Variants in MYO16 observed in about 807,000 individuals in gnomAD.
The protein encoded by MYO16 is unconventional myosin-XVI.
MYO16 carries 94 observed loss-of-function variants against 205.3 expected under a neutral mutation model. The observed-to-expected ratio is 0.46, with a 90% CI of 0.39 to 0.54. MYO16 has a LOEUF of 0.54. Ranked by LOEUF, MYO16 falls within the 20% of genes least tolerant of loss-of-function variation. The probability of loss-of-function intolerance (pLI) is 0.00; values close to 1 mark genes in which losing one functional copy is unlikely to be tolerated. For synonymous variants in MYO16, 988 were observed against 954.0 expected, an observed-to-expected ratio of 1.04 and a Z score of -0.66; for missense variants, 2,315 against 2,387.5, an observed-to-expected ratio of 0.97 and a Z score of 0.63.
intron 4 of MYO16, among the ~76,000 whole-genome samples, chr13:108,758,600 C>T (rs887138170): frequency 1.3e-5 from 2 of 152,168 alleles, no homozygotes; most frequent in East Asian, 3.9e-4. Context: ...TCTCCTTTAT[C>T]TTTTGACTCC....
intron 2 of MYO16, among the ~76,000 whole-genome samples, chr13:108,679,732 T>A (rs1882382343): frequency 6.7e-6 from 1 of 149,494 alleles, no homozygotes; most frequent in African/African-American, 2.4e-5. Flanking sequence ...ATAATAATAA[T>A]AATAATAATA....
At chr13:109,088,233 A>G (rs1008085221) in intron 27 of MYO16, among the ~76,000 whole-genome samples, 1 of 152,154 alleles carries the variant, frequency 6.6e-6, no homozygotes, top group African/African-American at 2.4e-5. Context: ...TGTGTTGAAA[A>G]ATATCCTAGG....
At chr13:108,497,955 CT>C in the MYO16 span, among the ~76,000 whole-genome samples, 1 of 152,270 alleles carries the variant, frequency 6.6e-6, no homozygotes, top group Non-Finnish European at 1.5e-5. Context: ...AAAATAAAAT[CT>C]GTTGGGTGAA....
At chr13:108,687,900 TG>T (rs1444423935) in intron 2 of MYO16, among the ~76,000 whole-genome samples, 2 of 152,150 alleles carry the variant, frequency 1.3e-5, no homozygotes, top group Non-Finnish European at 2.9e-5. Context: ...AAGGAGATTC[TG>T]GGACAAAGGA....
At chr13:108,782,530 C>G (rs886844201) in intron 4 of MYO16, among the ~76,000 whole-genome samples, 8 of 152,188 alleles carry the variant, frequency 5.3e-5, no homozygotes, top group Non-Finnish European at 1.0e-4. Flanking sequence ...AGGAGAAATT[C>G]AAGCTGGCTG....
chr13:109,032,856 T>C (rs997808253), intron 23 of MYO16, among the ~76,000 whole-genome samples: 4 of 152,188 alleles, frequency 2.6e-5, no homozygotes, highest in Non-Finnish European at 4.4e-5. Context: ...ATTGAAGATA[T>C]ATGTGAGATA....
chr13:109,007,051 G>T (rs1885410593), intron 21 of MYO16, among the ~76,000 whole-genome samples: 1 of 152,130 alleles, frequency 6.6e-6, no homozygotes, highest in African/African-American at 2.4e-5. Context: ...GTGGGGATGG[G>T]TCAAGAGAAA....
At chr13:108,543,893 C>G in the MYO16 span, among the ~76,000 whole-genome samples, 1 of 149,896 alleles carries the variant, frequency 6.7e-6, no homozygotes, top group Admixed American at 6.6e-5. Flanking sequence ...TGGAGAAACC[C>G]CCTCTCTACT....
intron 6 of MYO16, among the ~76,000 whole-genome samples, chr13:108,795,321 A>T (rs535246820): frequency 6.6e-6 from 1 of 151,212 alleles, no homozygotes; most frequent in Non-Finnish European, 1.5e-5. Context: ...TGATTTTCCT[A>T]CCTCAGCCTC....
At chr13:108,618,768 C>T (rs1879437797) in intron 1 of MYO16, among the ~76,000 whole-genome samples, 1 of 152,070 alleles carries the variant, frequency 6.6e-6, no homozygotes, top group Non-Finnish European at 1.5e-5. Context: ...CTTAGAAATC[C>T]TTTTCTCACT....
At chr13:108,971,562 T>C in intron 20 of MYO16, among the ~76,000 whole-genome samples, 1 of 146,148 alleles carries the variant, frequency 6.8e-6, no homozygotes, top group African/African-American at 2.7e-5. Flanking sequence ...TGGACTAATA[T>C]ATTATTAATA....
chr13:109,200,740 C>A (rs1198950523), intron 34 of MYO16, among the ~76,000 whole-genome samples: 1 of 151,428 alleles, frequency 6.6e-6, no homozygotes, highest in Admixed American at 6.6e-5. Flanking sequence ...GATGAGCAGC[C>A]ACTGAAAGTC....
the MYO16 span, among the ~76,000 whole-genome samples, chr13:108,535,429 G>T: frequency 6.6e-6 from 1 of 152,146 alleles, no homozygotes; most frequent in African/African-American, 2.4e-5. Context: ...TCTATCTGGT[G>T]GCTTCCCATA....
chr13:108,962,900 G>A (rs1883642667), intron 19 of MYO16, among the ~76,000 whole-genome samples: 1 of 152,252 alleles, frequency 6.6e-6, no homozygotes, highest in South Asian at 2.1e-4. Context: ...ATTGTGCCAA[G>A]TCCTATAAAA....
chr13:108,846,029 A>G (rs775979161), intron 10 of MYO16, among the ~76,000 whole-genome samples: 5 of 152,090 alleles, frequency 3.3e-5, no homozygotes, highest in Non-Finnish European at 2.9e-5. Context: ...AACTTTCTTA[A>G]GGATCCTATT....
intron 14 of MYO16, among the ~76,000 whole-genome samples, chr13:108,892,641 T>A (rs1168426854): frequency 6.6e-6 from 1 of 152,224 alleles, no homozygotes; most frequent in Non-Finnish European, 1.5e-5. Flanking sequence ...ACTTAAGAGT[T>A]AGAGTACGTG....
chr13:109,001,151 CTTT>C (rs1041864086), intron 21 of MYO16, among the ~76,000 whole-genome samples: 26 of 149,586 alleles, frequency 1.7e-4, no homozygotes, highest in African/African-American at 5.4e-4. Flanking sequence ...TGATTGATTC[CTTT>C]AAGAAATAGT....
chr13:108,756,367 G>A (rs7325701), intron 4 of MYO16, among the ~76,000 whole-genome samples: 23,739 of 152,086 alleles, frequency 0.16, 2,106 homozygotes, highest in Non-Finnish European at 0.21. Flanking sequence ...CAACACAAAT[G>A]TGGGCAAATG....
At chr13:108,677,654 C>G (rs1882290374) in intron 2 of MYO16, among the ~76,000 whole-genome samples, 1 of 151,992 alleles carries the variant, frequency 6.6e-6, no homozygotes, top group South Asian at 2.1e-4. Context: ...GTCACTTCCT[C>G]TGTGTCAATT....
Sources: gnomAD v4.1 joint callset for allele counts (sites outside exome capture counted in the v4.1 genomes callset) on GRCh38, gnomAD v4.1.1 for gene constraint, MANE v1.5 for transcripts, NCBI Gene and HGNC (gene_info 2026-07-23, HGNC 2026-07-21) for gene names.